The following DEF8 variants were observed in gnomAD, a reference collection of about 807,000 sequenced individuals.
The protein encoded by DEF8 is DEF-8.
In DEF8, 38 loss-of-function variants were observed where a neutral mutation model predicts 59.1. The ratio of observed to expected loss-of-function variants is 0.64; its 90% CI spans 0.50 to 0.84. DEF8 has a LOEUF of 0.84. Among genes scored for constraint, DEF8 ranks in the 40% least tolerant of loss-of-function variants. DEF8 has a pLI of 0.00. For missense variants in DEF8, 557 were observed against 615.2 expected, an observed-to-expected ratio of 0.91 and a Z score of 1.00; for synonymous variants, 265 against 250.1, an observed-to-expected ratio of 1.06 and a Z score of -0.56.
At chr16:89,959,740 G>A (rs928365138) in intron 6 of DEF8, among the ~76,000 whole-genome samples, 32 of 152,130 alleles carry the variant, frequency 2.1e-4, no homozygotes, top group African/African-American at 6.5e-4. Context: ...CTTGTGTTCC[G>A]TCCACCTCGG....
rs2031524822 is a variant in DEF8, at chr16:89,949,399, G to A, written c.-107-18G>A. 1.3e-6 allele frequency: 2 copies of A among 1,591,816 alleles called. No homozygotes were observed. The highest frequency in any genetic ancestry group is 1.7e-6 in the Non-Finnish European group (2 of 1,171,940). ...GGTGGGTGGGGAGGCACAGTGCTGG[G>A]GTGGCTTCTCCCTGCAGCAGGTGCC... On this transcript the variant is annotated intron_variant, in intron 1 of 12. Transcript: ENST00000563594.
Position 89,949,995 on chromosome 16 carries a change from G to C in DEF8, c.-11+482G>C, listed in dbSNP as rs1011587504. On this transcript the variant is annotated intron_variant, in intron 2 of 12. Transcript: ENST00000563594. ...AGCGGCCTCCCCTCATTCATCCCCT[G>C]CCCGTGCGCCAGGCCTGGGGCTGGC... 4.8e-6 allele frequency: 5 copies of C among 1,044,060 alleles called. No individual in the cohort carries two copies. In the African/African-American group the frequency reaches 8.4e-5, roughly 18 times the overall value. The allele number at this position is 1,044,060 out of a possible 1,614,324, so 64.7% of individuals were successfully genotyped here.
At chr16:89,957,799 C>A in intron 5 of DEF8, 139 bp downstream of exon 5, 1 of 1,013,586 alleles carries the variant, frequency 9.9e-7, no homozygotes, top group East Asian at 2.7e-5. Flanking sequence ...TAGAAGGGCA[C>A]GAGACAGGCA....
At chr16:89,965,658 G>C (rs549506368) in intron 12 of DEF8, among the ~76,000 whole-genome samples, 1 of 152,224 alleles carries the variant, frequency 6.6e-6, no homozygotes, top group South Asian at 2.1e-4. Flanking sequence ...AGCAGGTAGC[G>C]TGAGGACCCC....
chr16:89,964,696 G>A (rs1567809936), intron 12 of DEF8, 121 bp downstream of exon 12: 1 of 705,506 alleles, frequency 1.4e-6, no homozygotes, highest in Non-Finnish European at 2.4e-6. Context: ...CCGAGAAAGG[G>A]GAGACATAAA....
chr16:89,955,139 C>T (rs368717341), intron 3 of DEF8, 30 bp from the exon 4 acceptor site: 17 of 1,567,580 alleles, frequency 1.1e-5, no homozygotes, highest in East Asian at 2.2e-5. Context: ...TAGCAGCTGA[C>T]GCTCCACACC....
intron 6 of DEF8, among the ~76,000 whole-genome samples, chr16:89,960,510 T>C (rs2033887379): frequency 6.7e-6 from 1 of 150,270 alleles, no homozygotes; most frequent in African/African-American, 2.5e-5. Flanking sequence ...CCCTGTCTCT[T>C]AAAAAGTACA....
chr16:89,949,384 G>T, intron 1 of DEF8, 33 bp from the exon 2 acceptor site: 1 of 1,542,982 alleles, frequency 6.5e-7, no homozygotes. Context: ...GGTGGGTGGG[G>T]AGGCACAGTG....
chr16:89,948,799 G>A lies in DEF8; in HGVS notation c.-123G>A, dbSNP rs2031142687. The A allele has an allele frequency of 5.1e-6, 5 of 982,924 alleles. No homozygotes were observed. Among genetic ancestry groups the A allele is most frequent in the South Asian group, 4.6e-5 (1 of 21,974 alleles). 60.9% of individuals were successfully genotyped at this position (982,924 alleles called of 1,614,324 possible). A position where few individuals can be genotyped will look rare whatever the true frequency, so the allele number is the denominator to read the frequency against. On this transcript the variant is annotated 5_prime_UTR_variant, in exon 1 of 13. The change abolishes an upstream ATG in the 5' untranslated region. Transcript: ENST00000563594. ...GATCCAGCGCAGCCGGGAGACAGATGCGAGGCGGCGGTCAGGTGAGCGGCG... is the reference window on the plus strand; with the variant it reads ...GATCCAGCGCAGCCGGGAGACAGATACGAGGCGGCGGTCAGGTGAGCGGCG...
chr16:89,957,340 G>A (rs1330964432), intron 4 of DEF8, 171 bp from the exon 5 acceptor site: 3 of 658,600 alleles, frequency 4.6e-6, no homozygotes, highest in East Asian at 2.9e-5. Context: ...GACCTTGACC[G>A]TGCTGCCACC....
rs1478106167 is a variant in DEF8, at chr16:89,958,913, C to G, written c.373-101C>G. ...TGTGCTGAAACTCACAATCTCTGCC[C>G]TAAATGGTGCCTGGAAGAAATAAGT... is the stretch of plus-strand genomic sequence containing the variant. On this transcript the variant is annotated intron_variant, in intron 5 of 12. Coordinates refer to ENST00000563594, the MANE Select transcript of DEF8 (RefSeq NM_001242818.2). The G allele has an allele frequency of 2.6e-6, 4 of 1,544,080 alleles. No homozygotes were observed. The East Asian group carries it at 6.8e-5, about 26-fold the overall frequency.
chr16:89,955,145 A>G (rs750447608), intron 3 of DEF8, 24 bp from the exon 4 acceptor site: 1 of 1,593,438 alleles, frequency 6.3e-7, no homozygotes, highest in Non-Finnish European at 8.6e-7. Context: ...CTGACGCTCC[A>G]CACCTGTCCC....
chr16:89,964,647 C>A, intron 12 of DEF8, 72 bp downstream of exon 12: 1 of 1,192,452 alleles, frequency 8.4e-7, no homozygotes, highest in Non-Finnish European at 1.2e-6. Context: ...GCCCCTTGGC[C>A]TCCGGTAGGA....
chr16:89,962,068 G>T lies in DEF8; in HGVS notation c.864G>T (p.Arg288Ser), dbSNP rs553966074. The T allele has an allele frequency of 1.9e-6, 3 of 1,614,112 alleles. No homozygotes were observed. The highest frequency in any genetic ancestry group is 1.1e-5 in the South Asian group (1 of 91,090). Residue 288 changes from arginine to serine, a missense_variant, in exon 9 of 13, where the codon AGG becomes AGT. Arg to Ser is a moderately radical substitution (Grantham distance 110). Coordinates refer to ENST00000563594, the MANE Select transcript of DEF8 (RefSeq NM_001242818.2). Reference sequence around the variant, plus strand: ...TGATGGTGTCTCGGCCCGTACTCAGGCTCCGGGAGATCAACCCTCTGCTGT... The same window carrying T: ...TGATGGTGTCTCGGCCCGTACTCAGTCTCCGGGAGATCAACCCTCTGCTGT... ...LALMVSRPVL[R>S]LREINPLLFS...
chr16:89,949,787 C>T, intron 2 of DEF8: 1 of 805,854 alleles, frequency 1.2e-6, no homozygotes, highest in South Asian at 1.9e-5. Flanking sequence ...CAGGGGGTGG[C>T]CAGACCTCTT....
intron 5 of DEF8, among the ~76,000 whole-genome samples, chr16:89,958,757 C>T (rs2033619657): frequency 1.3e-5 from 2 of 152,184 alleles, no homozygotes; most frequent in Admixed American, 1.3e-4. Flanking sequence ...GGTGCAATCC[C>T]ACACAGCCCC....
intron 5 of DEF8, among the ~76,000 whole-genome samples, 160 bp from the exon 6 acceptor site, chr16:89,958,854 G>A (rs962474896): frequency 6.6e-6 from 1 of 152,218 alleles, no homozygotes; most frequent in Non-Finnish European, 1.5e-5. Flanking sequence ...GCTGATCATT[G>A]TTTACTGTGA....
intron 2 of DEF8, chr16:89,950,469 A>G (rs970111466): frequency 7.4e-6 from 3 of 403,994 alleles, no homozygotes; most frequent in Non-Finnish European, 1.0e-5. Context: ...GCTCACTGCA[A>G]CCTCCACCTC....
rs776105184 is a variant in DEF8, at chr16:89,959,090, A to G, written c.449A>G (p.Lys150Arg). Residue 150 changes from lysine to arginine, a missense_variant, in exon 6 of 13, where the codon AAG becomes AGG. Lys to Arg is a conservative substitution (Grantham distance 26). Coordinates refer to ENST00000563594, the MANE Select transcript of DEF8 (RefSeq NM_001242818.2). ...RFYKEKSKSV[K>R]QTCDKCNTII... The stretch of plus-strand genomic sequence containing the variant: ...TACAAGGAGAAGAGCAAGAGCGTCA[A>G]GCAGACCTGTGACAAGTGTAACACC... The G allele has an allele frequency of 2.5e-6, 4 of 1,613,818 alleles. No individual in the cohort carries two copies. Among genetic ancestry groups the G allele is most frequent in the African/African-American group, 2.7e-5 (2 of 74,922 alleles).
Sources: gnomAD v4.1 joint callset for allele counts (sites outside exome capture counted in the v4.1 genomes callset) on GRCh38, gnomAD v4.1.1 for gene constraint, MANE v1.5 for transcripts, NCBI Gene and HGNC (gene_info 2026-07-23, HGNC 2026-07-21) for gene names.